The following SGPL1 variants were observed in gnomAD, a reference collection of about 807,000 sequenced individuals.
SGPL1 encodes SP-lyase 1.
Under a neutral mutation model 68.9 loss-of-function variants are expected in SGPL1, and 37 were observed. That is an observed-to-expected ratio of 0.54 (90% CI 0.41 to 0.71). The LOEUF (loss-of-function observed/expected upper bound fraction) is 0.71, where lower values mean the gene tolerates loss of function less well. Among genes scored for constraint, SGPL1 ranks in the 30% least tolerant of loss-of-function variants. The pLI, the probability that SGPL1 is intolerant of heterozygous loss-of-function variation, is 0.00. For synonymous variants in SGPL1, 236 were observed against 248.5 expected, an observed-to-expected ratio of 0.95 and a Z score of 0.47; for missense variants, 551 against 704.6, an observed-to-expected ratio of 0.78 and a Z score of 2.47.
chr10:70,870,358 G>A (rs974860286), intron 9 of SGPL1, among the ~76,000 whole-genome samples: 1 of 151,958 alleles, frequency 6.6e-6, no homozygotes, highest in Non-Finnish European at 1.5e-5. Flanking sequence ...ATTTAAAAAA[G>A]TAGCTGGACA....
chr10:70,841,928 C>T (rs1845722231), intron 2 of SGPL1, among the ~76,000 whole-genome samples: 1 of 152,108 alleles, frequency 6.6e-6, no homozygotes, highest in South Asian at 2.1e-4. Context: ...GTTAACCAGT[C>T]TGTCGAACTT....
chr10:70,848,741 C>T (rs919484070), intron 3 of SGPL1, among the ~76,000 whole-genome samples: 3 of 152,104 alleles, frequency 2.0e-5, no homozygotes, highest in African/African-American at 4.8e-5. Flanking sequence ...GGATAACAGG[C>T]GTGAACCACC....
chr10:70,843,528 A>T (rs1192751352), intron 2 of SGPL1, among the ~76,000 whole-genome samples: 1 of 152,264 alleles, frequency 6.6e-6, no homozygotes, highest in Admixed American at 6.5e-5. Flanking sequence ...TAAGAAACAG[A>T]TGAGTAGACT....
chr10:70,854,925 A>G, intron 5 of SGPL1, 70 bp downstream of exon 5: 2 of 1,359,988 alleles, frequency 1.5e-6, no homozygotes. Flanking sequence ...TTTAATGTTC[A>G]CATAGGTTAA....
chr10:70,835,430 G>A (rs896416902), intron 2 of SGPL1, among the ~76,000 whole-genome samples: 6 of 152,116 alleles, frequency 3.9e-5, no homozygotes, highest in Non-Finnish European at 7.4e-5. Flanking sequence ...CACTGGAAAC[G>A]TGGCACATTA....
intron 12 of SGPL1, among the ~76,000 whole-genome samples, chr10:70,874,947 A>T (rs1846359205): frequency 6.6e-6 from 1 of 152,118 alleles, no homozygotes; most frequent in African/African-American, 2.4e-5. Flanking sequence ...GATATATATA[A>T]AAGGTCCTCC....
chr10:70,819,592 G>A (rs1344089274), intron 2 of SGPL1, among the ~76,000 whole-genome samples: 1 of 147,312 alleles, frequency 6.8e-6, no homozygotes, highest in Non-Finnish European at 1.5e-5. Flanking sequence ...CAGCATCTCA[G>A]AATTAGAAAT....
intron 2 of SGPL1, among the ~76,000 whole-genome samples, chr10:70,826,961 T>A (rs1415935362): frequency 6.6e-6 from 1 of 152,232 alleles, no homozygotes; most frequent in Non-Finnish European, 1.5e-5. Context: ...TGTTTCCAAT[T>A]TGAGGCTTTT....
At chr10:70,871,691 G>A (rs1304866210) in intron 10 of SGPL1, 146 bp from the exon 11 acceptor site, 1 of 674,412 alleles carries the variant, frequency 1.5e-6, no homozygotes, top group Non-Finnish European at 2.5e-6. Context: ...TGTTGGGAAT[G>A]TTAAAAATAG....
intron 2 of SGPL1, among the ~76,000 whole-genome samples, chr10:70,827,751 G>A (rs892946236): frequency 6.6e-6 from 1 of 152,150 alleles, no homozygotes; most frequent in Non-Finnish European, 1.5e-5. Flanking sequence ...AAATATTTAT[G>A]TATGAATATA....
chr10:70,846,258 A>C (rs1209119543), intron 3 of SGPL1, among the ~76,000 whole-genome samples: 1 of 152,202 alleles, frequency 6.6e-6, no homozygotes, highest in Non-Finnish European at 1.5e-5. Context: ...ATATGGATGT[A>C]GCTTGTGTCC....
In SGPL1 at chr10:70,846,173, C is replaced by T. The variant is rs142948264; in HGVS notation, c.193+1535C>T. The stretch of plus-strand genomic sequence containing the variant: ...CTTGTCCTCAGTTGCTGCTCCTAGT[C>T]CTTGCAAGATTTTCTGATAAACTCT... On this transcript the variant is annotated intron_variant, in intron 3 of 14. Coordinates refer to ENST00000373202, the MANE Select transcript of SGPL1 (RefSeq NM_003901.4). 3.2e-4 allele frequency among the ~76,000 whole-genome samples: 48 copies of T among 152,280 alleles called. No homozygotes were observed. The East Asian group carries it at 7.3e-3, about 23-fold the overall frequency.
rs55860254 is a variant in SGPL1 at position 70,848,454 on chromosome 10, CTTTTTTTTT to C, written c.194-2669_194-2661del. On this transcript the variant is annotated intron_variant, in intron 3 of 14. Transcript: ENST00000373202. Reference sequence around the variant, plus strand: ...CAAACTAACGTGATTACCTCACGTACTTTTTTTTTTTTTTTTTTTTTTTTTTTTGAGATG... The same window carrying C: ...CAAACTAACGTGATTACCTCACGTACTTTTTTTTTTTTTTTTTTTGAGATG... Among the ~76,000 whole-genome samples, 14 of 70,682 alleles carry C rather than the reference CTTTTTTTTT, an allele frequency of 2.0e-4. No individual in the cohort carries two copies. The South Asian group carries it at 4.3e-3, about 22-fold the overall frequency. The allele number at this position is 70,682 out of a possible 152,430, so 46.4% of individuals were successfully genotyped here.
chr10:70,875,406 G>A lies in SGPL1; in HGVS notation c.1303G>A (p.Glu435Lys). 1 of 1,606,976 alleles carries A rather than the reference G, an allele frequency of 6.2e-7. No individual in the cohort carries two copies. The highest frequency in any genetic ancestry group is 2.2e-5 in the East Asian group (1 of 44,820). Reference protein sequence around the residue: ...KTARFLKSELENIKGIFVFGN... With the variant: ...KTARFLKSELKNIKGIFVFGN... ...CATTTATTTTTTTGTTTTAAGACTGGAAAATATCAAAGGCATCTTTGTTTT... is the reference window on the plus strand; with the variant it reads ...CATTTATTTTTTTGTTTTAAGACTGAAAAATATCAAAGGCATCTTTGTTTT... The change falls in exon 13 of 15, where the codon GAA (glutamate) becomes AAA (lysine). Residue 435 changes from glutamate (E) to lysine (K), a missense_variant. Physicochemically the swap from Glu to Lys is moderately conservative, Grantham distance 56 (BLOSUM62 1). Transcript: ENST00000373202.
intron 2 of SGPL1, among the ~76,000 whole-genome samples, chr10:70,842,460 G>A (rs1845730835): frequency 6.6e-6 from 1 of 152,198 alleles, no homozygotes; most frequent in Admixed American, 6.5e-5. Flanking sequence ...AATTTATAAA[G>A]AAAAGAGGGT....
At chr10:70,828,953 G>A (rs997562179) in intron 2 of SGPL1, among the ~76,000 whole-genome samples, 9 of 152,178 alleles carry the variant, frequency 5.9e-5, no homozygotes, top group Non-Finnish European at 7.4e-5. Flanking sequence ...GAAAGGGGAT[G>A]CCTTTCAGAA....
At position 70,876,646 on chromosome 10, in the gene SGPL1, G is replaced by A. The variant is rs1324386667; in HGVS notation, c.1551G>A (p.Ala517=). 2.5e-6 allele frequency: 4 copies of A among 1,612,706 alleles called. No homozygotes were observed. Among genetic ancestry groups the A allele is most frequent in the East Asian group, 2.2e-5 (1 of 44,864 alleles). Residue 517 remains alanine (A), a synonymous_variant, in exon 14 of 15, where the codon GCG becomes GCA. Transcript: ENST00000373202. ...CTCAAATCATGAAGAATCCTAAAGC[G>A]AAGACCACAGGAATGGTAGGGACAC... is the stretch of plus-strand genomic sequence containing the variant. ...SVTQIMKNPK[A]KTTGMGAIYG...
At chr10:70,853,030 T>G (rs1388554006) in intron 4 of SGPL1, among the ~76,000 whole-genome samples, 4 of 152,262 alleles carry the variant, frequency 2.6e-5, no homozygotes, top group Non-Finnish European at 5.9e-5. Flanking sequence ...TATACCTCTC[T>G]GTCACTTTTT....
intron 7 of SGPL1, among the ~76,000 whole-genome samples, chr10:70,863,414 A>G (rs987504118): frequency 5.3e-5 from 8 of 151,394 alleles, no homozygotes; most frequent in Non-Finnish European, 1.2e-4. Flanking sequence ...GATAATTCCA[A>G]TATCCATGAG....
Sources: gnomAD v4.1 joint callset for allele counts (sites outside exome capture counted in the v4.1 genomes callset) on GRCh38, gnomAD v4.1.1 for gene constraint, MANE v1.5 for transcripts, NCBI Gene and HGNC (gene_info 2026-07-23, HGNC 2026-07-21) for gene names.